Variants in SLC7A5 observed in about 807,000 individuals in gnomAD.
The protein encoded by SLC7A5 is large neutral amino acids transporter small subunit 1.
Under a neutral mutation model 50.2 loss-of-function variants are expected in SLC7A5, and 23 were observed. The ratio of observed to expected loss-of-function variants is 0.46; its 90% confidence interval spans 0.33 to 0.65. SLC7A5 has a LOEUF of 0.65. Ranked by LOEUF, SLC7A5 falls within the 30% of genes least tolerant of loss-of-function variation. The probability of loss-of-function intolerance (pLI) is 0.02; values close to 1 mark genes in which losing one functional copy is unlikely to be tolerated. For missense variants in SLC7A5, 578 were observed against 684.4 expected (o/e 0.84, Z 1.73); for synonymous variants, 393 against 330.6 (o/e 1.19, Z -2.05).
chr16:87,837,188 C>T (rs2143718693), intron 7 of SLC7A5, among the ~76,000 whole-genome samples: 1 of 152,330 alleles, frequency 6.6e-6, no homozygotes, highest in African/African-American at 2.4e-5. Context: ...CTGCCAGACC[C>T]CAGCTTCCTC....
In SLC7A5 at chr16:87,841,594, T is replaced by C. The variant is rs2055083661; in HGVS notation, c.665-439A>G. Among the ~76,000 whole-genome samples, 1 of 152,234 alleles carries C rather than the reference T, an allele frequency of 6.6e-6. No individual in the cohort carries two copies. The highest frequency in any genetic ancestry group is 6.5e-5 in the Admixed American group (1 of 15,284). On this transcript the variant is annotated intron_variant, in intron 2 of 9. Coordinates refer to ENST00000261622, the MANE Select transcript of SLC7A5 (RefSeq NM_003486.7). The surrounding 1 kb of genome is among the most constrained non-coding windows in gnomAD (Gnocchi z 4.8). ...AGGCCCAGAGCCACTAGGGCCCTGC[T>C]TCTTGGGGTGCGAGGAGCTCGGAAC...
chr16:87,833,907 G>A lies in SLC7A5; in HGVS notation c.1468+507C>T, dbSNP rs1393063055. On this transcript the variant is annotated intron_variant, in intron 9 of 9. Coordinates refer to ENST00000261622, the MANE Select transcript of SLC7A5 (RefSeq NM_003486.7). The surrounding 1 kb of genome is among the most constrained non-coding windows in gnomAD (Gnocchi z 6.0). ...CTCGCTCTGTCGCCCAGGCTGGAGT[G>A]CAATGGTGCGATCTCGGCTCACTGC... Among the ~76,000 whole-genome samples, 1 of 151,100 alleles carries A rather than the reference G, an allele frequency of 6.6e-6. No homozygotes were observed. The highest frequency in any genetic ancestry group is 2.4e-5 in the African/African-American group (1 of 40,992).
chr16:87,842,044 A>G (rs2055088932), intron 2 of SLC7A5, among the ~76,000 whole-genome samples: 1 of 152,070 alleles, frequency 6.6e-6, no homozygotes, highest in African/African-American at 2.4e-5. Flanking sequence ...TCGAGCCCGG[A>G]ATATATTGCC....
In SLC7A5 at chr16:87,833,572, G is replaced by C. The variant is rs993037756; in HGVS notation, c.1469-547C>G. 1.3e-5 allele frequency among the ~76,000 whole-genome samples: 2 copies of C among 152,236 alleles called. No homozygotes were observed. Among genetic ancestry groups the C allele is most frequent in the Non-Finnish European group, 2.9e-5 (2 of 68,046 alleles). On this transcript the variant is annotated intron_variant, in intron 9 of 9. Transcript: ENST00000261622. The surrounding 1 kb of genome is among the most constrained non-coding windows in gnomAD (Gnocchi z 6.0). ...GGTGTCCTGAATGACAGTTAATGCA[G>C]ATCCCACTGCAAAGCTTGAGGCAAA...
intron 8 of SLC7A5, 25 bp downstream of exon 8, chr16:87,836,473 G>A (rs368036439): frequency 4.4e-6 from 7 of 1,605,644 alleles, no homozygotes; most frequent in Non-Finnish European, 5.1e-6. Flanking sequence ...AGGGTGCCTG[G>A]GTGAGCGGGA....
chr16:87,852,934 G>A lies in SLC7A5; in HGVS notation c.539-1085C>T, dbSNP rs75808773. 5.6e-3 allele frequency among the ~76,000 whole-genome samples: 852 copies of A among 152,262 alleles called. 49 individuals are homozygous for A. The East Asian group carries it at 0.13, about 23-fold the overall frequency. On this transcript the variant is annotated intron_variant, in intron 1 of 9. Coordinates refer to ENST00000261622, the MANE Select transcript of SLC7A5 (RefSeq NM_003486.7). This position sits in a 1 kb window ranked among gnomAD's most constrained non-coding sequence, Gnocchi z 4.5. ...TACCCTTCACTCCTCTGCTCACGAGGTTATCTGTCGCTGTCAGCAGCTTGA... is the reference window on the plus strand; with the variant it reads ...TACCCTTCACTCCTCTGCTCACGAGATTATCTGTCGCTGTCAGCAGCTTGA...
chr16:87,847,683 C>T (rs557198487), intron 2 of SLC7A5, among the ~76,000 whole-genome samples: 97 of 152,348 alleles, frequency 6.4e-4, no homozygotes, highest in African/African-American at 2.2e-3. Flanking sequence ...GGCCTCCCCC[C>T]AGCAGCGCAT....
At position 87,851,835 on chromosome 16, in the gene SLC7A5, C is replaced by G. The variant is rs768321533; in HGVS notation, c.553G>C (p.Val185Leu). 1.2e-6 allele frequency: 2 copies of G among 1,613,056 alleles called. No homozygotes were observed. Among genetic ancestry groups the G allele is most frequent in the South Asian group, 2.2e-5 (2 of 91,076 alleles). ...ACLCVLLLTA[V>L]NCYSVKAATR... ...GCGGCCTTCACGCTGTAGCAGTTCACGGCCGTGAGCAGCACTGTGGAGACA... is the reference window on the plus strand; with the variant it reads ...GCGGCCTTCACGCTGTAGCAGTTCAGGGCCGTGAGCAGCACTGTGGAGACA... Residue 185 changes from valine (V) to leucine (L), a missense_variant, in exon 2 of 10, where the codon GTG (valine) becomes CTG (leucine). Physicochemically the swap from Val to Leu is conservative, Grantham distance 32. Transcript: ENST00000261622.
chr16:87,863,565 G>C (rs1157152880), intron 1 of SLC7A5: 1 of 152,114 alleles, frequency 6.6e-6, no homozygotes, highest in Admixed American at 6.6e-5. Flanking sequence ...TCCAGAAAGA[G>C]ACACATGGAG....
At chr16:87,849,231 G>C (rs910298638) in intron 2 of SLC7A5, among the ~76,000 whole-genome samples, 1 of 53,284 alleles carries the variant, frequency 1.9e-5, no homozygotes, top group Admixed American at 1.6e-4. Flanking sequence ...TGCGTCCACT[G>C]GGGGGTATAA....
intron 2 of SLC7A5, among the ~76,000 whole-genome samples, chr16:87,847,697 C>T (rs1266095489): frequency 2.0e-5 from 3 of 152,268 alleles, no homozygotes; most frequent in African/African-American, 7.2e-5. Context: ...AGCGCATGAC[C>T]CTGCACACTG....
At position 87,869,275 on chromosome 16, in the gene SLC7A5, T is replaced by A; in HGVS notation, c.148A>T (p.Ile50Phe). The change falls in exon 1 of 10, where the codon ATC (isoleucine) becomes TTC (phenylalanine). Residue 50 changes from isoleucine to phenylalanine, a missense_variant. Physicochemically the swap from Ile to Phe is conservative, Grantham distance 21. Transcript: ENST00000261622. ...EGEGVTLQRN[I>F]TLLNGVAIIV... is the part of the protein sequence containing the mutation. Reference sequence around the variant, plus strand: ...ATGGCCACGCCGTTGAGCAGCGTGATGTTCCGCTGCAGGGTCACGCCCTCG... The same window carrying A: ...ATGGCCACGCCGTTGAGCAGCGTGAAGTTCCGCTGCAGGGTCACGCCCTCG... The A allele has an allele frequency of 1.2e-6, 2 of 1,612,306 alleles. No individual in the cohort carries two copies. Among genetic ancestry groups the A allele is most frequent in the Non-Finnish European group, 1.7e-6 (2 of 1,179,838 alleles).
At chr16:87,849,681 G>C (rs1292056334) in intron 2 of SLC7A5, among the ~76,000 whole-genome samples, 1 of 152,134 alleles carries the variant, frequency 6.6e-6, no homozygotes, top group Non-Finnish European at 1.5e-5. Context: ...CAACTTCTGA[G>C]TGCCCGGGAG....
intron 1 of SLC7A5, among the ~76,000 whole-genome samples, chr16:87,859,289 A>G (rs1295869744): frequency 1.3e-5 from 2 of 152,180 alleles, no homozygotes; most frequent in African/African-American, 4.8e-5. Context: ...CAAGGCCCCT[A>G]CACGGTAGCA....
At chr16:87,844,172 C>G (rs999196637) in intron 2 of SLC7A5, among the ~76,000 whole-genome samples, 11 of 150,804 alleles carry the variant, frequency 7.3e-5, no homozygotes, top group African/African-American at 2.7e-4. Context: ...CTGAGTGGGG[C>G]CCTCCAGCCC....
intron 3 of SLC7A5, 92 bp downstream of exon 3, chr16:87,840,958 C>A: frequency 1.1e-6 from 1 of 870,220 alleles, no homozygotes; most frequent in Admixed American, 1.7e-5. Context: ...CTCCCTTTAA[C>A]TGCCCCTTGA....
At position 87,862,159 on chromosome 16, in the gene SLC7A5, T is replaced by A. The variant is rs2055407087; in HGVS notation, c.538+6726A>T. 6.6e-6 allele frequency among the ~76,000 whole-genome samples: 1 copy of A among 151,902 alleles called. No individual in the cohort carries two copies. Among genetic ancestry groups the A allele is most frequent in the African/African-American group, 2.4e-5 (1 of 41,322 alleles). ...GGTGCTTGATACCCCAGGGGGGCCCTGGAACAGGCCTGGACTGAGAAGCGG... is the reference window on the plus strand; with the variant it reads ...GGTGCTTGATACCCCAGGGGGGCCCAGGAACAGGCCTGGACTGAGAAGCGG... On this transcript the variant is annotated intron_variant, in intron 1 of 9. Transcript: ENST00000261622. The surrounding 1 kb of genome is among the most constrained non-coding windows in gnomAD (Gnocchi z 5.3).
rs1426954710 is a variant in SLC7A5 at position 87,860,538 on chromosome 16, T to C, written c.538+8347A>G. ...CTGACTGATGTCTGCCTGTAACTTCTGTCCTTGTAGGAGGTATGAACTCCA... is the reference window on the plus strand; with the variant it reads ...CTGACTGATGTCTGCCTGTAACTTCCGTCCTTGTAGGAGGTATGAACTCCA... On this transcript the variant is annotated intron_variant, in intron 1 of 9. Transcript: ENST00000261622. This position sits in a 1 kb window ranked among gnomAD's most constrained non-coding sequence, Gnocchi z 4.8. Among the ~76,000 whole-genome samples, 1 of 152,218 alleles carries C rather than the reference T, an allele frequency of 6.6e-6. No individual in the cohort carries two copies. Among genetic ancestry groups the C allele is most frequent in the Non-Finnish European group, 1.5e-5 (1 of 68,038 alleles).
rs764037421 is a variant in SLC7A5, at chr16:87,832,937, G to A, written c.*33C>T. 7 of 1,586,890 alleles carry A rather than the reference G, an allele frequency of 4.4e-6. 1 individual carries two copies. The South Asian group carries it at 4.4e-5, about 10-fold the overall frequency. On this transcript the variant is annotated 3_prime_UTR_variant, in exon 10 of 10. Coordinates refer to ENST00000261622, the MANE Select transcript of SLC7A5 (RefSeq NM_003486.7). The surrounding 1 kb of genome is among the most constrained non-coding windows in gnomAD (Gnocchi z 4.6). Reference sequence around the variant, plus strand: ...GTGATCTACTTTAACTGGCCTCTGCGCATGCTCCTCCGGCAGCCACTCGGC... The same window carrying A: ...GTGATCTACTTTAACTGGCCTCTGCACATGCTCCTCCGGCAGCCACTCGGC...
Sources: allele counts gnomAD v4.1 joint callset (sites outside exome capture counted in the v4.1 genomes callset), GRCh38; gene constraint gnomAD v4.1.1; non-coding constraint Gnocchi (gnomAD v3.1); transcripts MANE v1.5; gene names NCBI Gene and HGNC (gene_info 2026-07-23, HGNC 2026-07-21).